The following SPAST variants were observed in gnomAD, a reference collection of about 807,000 sequenced individuals.
The protein encoded by SPAST is spastin, also known as spastic paraplegia 4 (autosomal dominant; spastin).
Under a neutral mutation model 76.6 loss-of-function variants are expected in SPAST, and 30 were observed. That is an observed-to-expected ratio of 0.39 (90% CI 0.29 to 0.53). The LOEUF (loss-of-function observed/expected upper bound fraction) is 0.53. SPAST is among the 20% of genes least tolerant of loss of function. The probability of loss-of-function intolerance (pLI) is 0.68; values close to 1 mark genes in which losing one functional copy is unlikely to be tolerated. For missense variants in SPAST, 717 were observed against 770.5 expected (o/e 0.93, Z 0.82); for synonymous variants, 305 against 281.0 (o/e 1.09, Z -0.86).
At chr2:32,076,946 G>C (rs1352630306) in intron 1 of SPAST, among the ~76,000 whole-genome samples, 1 of 151,990 alleles carries the variant, frequency 6.6e-6, no homozygotes, top group Non-Finnish European at 1.5e-5. Flanking sequence ...CACAATCTCG[G>C]CTCACTGCAA....
chr2:32,123,912 G>A (rs900154992), intron 7 of SPAST, among the ~76,000 whole-genome samples: 1 of 152,008 alleles, frequency 6.6e-6, no homozygotes, highest in African/African-American at 2.4e-5. Flanking sequence ...GAAACTTCTA[G>A]AGGATAACAT....
intron 14 of SPAST, among the ~76,000 whole-genome samples, chr2:32,144,511 A>G (rs553258346): frequency 5.9e-5 from 9 of 152,246 alleles, no homozygotes; most frequent in Non-Finnish European, 1.2e-4. Context: ...TCAAACCCTC[A>G]TAACTATGGG....
chr2:32,140,393 A>G (rs1573162093), intron 12 of SPAST, among the ~76,000 whole-genome samples: 1 of 152,226 alleles, frequency 6.6e-6, no homozygotes, highest in East Asian at 1.9e-4. Flanking sequence ...TTTTTTGGCA[A>G]GGACAGACCA....
chr2:32,077,432 C>G (rs1677010282), intron 1 of SPAST, among the ~76,000 whole-genome samples: 1 of 152,090 alleles, frequency 6.6e-6, no homozygotes, highest in Non-Finnish European at 1.5e-5. Context: ...AATAAAGATA[C>G]TAAAAGTAGT....
chr2:32,099,507 G>A (rs947501065), intron 4 of SPAST, among the ~76,000 whole-genome samples: 2 of 152,030 alleles, frequency 1.3e-5, no homozygotes, highest in Non-Finnish European at 2.9e-5. Context: ...TCTGACATCT[G>A]AGCTAGCTTT....
intron 15 of SPAST, among the ~76,000 whole-genome samples, chr2:32,146,265 A>G (rs1250474781): frequency 1.3e-5 from 2 of 152,218 alleles, no homozygotes; most frequent in Non-Finnish European, 2.9e-5. Flanking sequence ...CATCCATTAA[A>G]GTACAGAAAA....
At chr2:32,076,419 A>C (rs1161064669) in intron 1 of SPAST, among the ~76,000 whole-genome samples, 1 of 152,080 alleles carries the variant, frequency 6.6e-6, no homozygotes, top group African/African-American at 2.4e-5. Flanking sequence ...ACAGGGTCCT[A>C]CTGTATTACC....
intron 16 of SPAST, among the ~76,000 whole-genome samples, chr2:32,151,442 TATA>T (rs1680082127): frequency 6.6e-6 from 1 of 152,198 alleles, no homozygotes; most frequent in South Asian, 2.1e-4. Context: ...GGCATTTTAT[TATA>T]GAGATTAAGG....
intron 13 of SPAST, among the ~76,000 whole-genome samples, chr2:32,142,685 C>G (rs1168569140): frequency 1.3e-5 from 2 of 152,026 alleles, no homozygotes; most frequent in Non-Finnish European, 2.9e-5. Context: ...CATGAGTCAC[C>G]GTGCCCGGCC....
chr2:32,124,507 T>A (rs190637950), intron 7 of SPAST, among the ~76,000 whole-genome samples: 1 of 152,284 alleles, frequency 6.6e-6, no homozygotes. Context: ...CTTACAAAAC[T>A]CTTACCATAT....
chr2:32,120,392 T>C (rs1030289153), intron 7 of SPAST, among the ~76,000 whole-genome samples: 1 of 152,112 alleles, frequency 6.6e-6, no homozygotes, highest in Non-Finnish European at 1.5e-5. Context: ...CTTTTAAATA[T>C]TATTCATTAC....
intron 9 of SPAST, chr2:32,128,946 A>C: frequency 5.2e-6 from 1 of 192,642 alleles, no homozygotes; most frequent in East Asian, 1.4e-4. Context: ...GTCTGTCACC[A>C]TGTCCAAATT....
intron 1 of SPAST, among the ~76,000 whole-genome samples, chr2:32,075,149 G>C (rs1013133411): frequency 6.6e-6 from 1 of 152,052 alleles, no homozygotes; most frequent in African/African-American, 2.4e-5. Flanking sequence ...TAGGCCGGGC[G>C]TGGTGGCTCA....
At chr2:32,089,451 T>G (rs1677624093) in intron 2 of SPAST, 71 bp from the exon 3 acceptor site, 1 of 876,290 alleles carries the variant, frequency 1.1e-6, no homozygotes, top group African/African-American at 1.7e-5. Flanking sequence ...GAAAGTAGTT[T>G]GGGTGATAAT....
Position 32,157,178 on chromosome 2 carries a change from A to G in SPAST, c.*2682A>G, listed in dbSNP as rs540594441. 1.3e-5 allele frequency: 2 copies of G among 152,648 alleles called. No individual in the cohort carries two copies. Among genetic ancestry groups the G allele is most frequent in the African/African-American group, 4.8e-5 (2 of 41,458 alleles). The allele number at this position is 152,648 out of a possible 1,614,324, so 9.5% of individuals were successfully genotyped here. ...TAAGCATTAGTGTGCTCTTCATGTTAATATGGCAGAGTTTTGTAAACTAAA... is the reference window on the plus strand; with the variant it reads ...TAAGCATTAGTGTGCTCTTCATGTTGATATGGCAGAGTTTTGTAAACTAAA... On this transcript the variant is annotated 3_prime_UTR_variant, in exon 17 of 17. Coordinates refer to ENST00000315285, the MANE Select transcript of SPAST (RefSeq NM_014946.4).
chr2:32,112,140 A>T (rs185186729), intron 4 of SPAST, among the ~76,000 whole-genome samples: 12 of 150,444 alleles, frequency 8.0e-5, no homozygotes, highest in Non-Finnish European at 1.8e-4. Flanking sequence ...TTGAGTGGAG[A>T]TGGGGTTTCA....
intron 4 of SPAST, 30 bp from the exon 5 acceptor site, chr2:32,114,608 A>G (rs1290189864): frequency 2.5e-6 from 4 of 1,589,266 alleles, no homozygotes; most frequent in Admixed American, 1.7e-5. Flanking sequence ...CAATTTTCTA[A>G]TCACAATGGT....
intron 4 of SPAST, among the ~76,000 whole-genome samples, chr2:32,104,467 G>T (rs990493376): frequency 2.6e-5 from 4 of 152,078 alleles, no homozygotes; most frequent in African/African-American, 9.7e-5. Context: ...GGTTAATATT[G>T]TTATGTTTGA....
At chr2:32,112,353 T>C (rs1162730489) in intron 4 of SPAST, among the ~76,000 whole-genome samples, 1 of 151,218 alleles carries the variant, frequency 6.6e-6, no homozygotes, top group African/African-American at 2.4e-5. Context: ...TGGCTTTTTT[T>C]TTTTTTTTTC....
Sources: allele counts gnomAD v4.1 joint callset (sites outside exome capture counted in the v4.1 genomes callset), GRCh38; gene constraint gnomAD v4.1.1; transcripts MANE v1.5; gene names NCBI Gene and HGNC (gene_info 2026-07-23, HGNC 2026-07-21).